Variants in DOCK7 observed in about 807,000 individuals in gnomAD.
DOCK7 encodes dedicator of cytokinesis 7.
Under a neutral mutation model 271.0 loss-of-function variants are expected in DOCK7, and 138 were observed. The ratio of observed to expected loss-of-function variants is 0.51; its 90% CI spans 0.44 to 0.59. The LOEUF (loss-of-function observed/expected upper bound fraction) is 0.59, where lower values mean the gene tolerates loss of function less well. Ranked by LOEUF, DOCK7 falls within the 20% of genes least tolerant of loss-of-function variation. The pLI is 0.00. For synonymous variants in DOCK7, 823 were observed against 876.1 expected, an observed-to-expected ratio of 0.94 and a Z score of 1.07; for missense variants, 2,066 against 2,592.4, an observed-to-expected ratio of 0.80 and a Z score of 4.41.
intron 21 of DOCK7, among the ~76,000 whole-genome samples, chr1:62,553,883 T>G (rs544675870): frequency 2.0e-5 from 3 of 151,306 alleles, no homozygotes; most frequent in Non-Finnish European, 3.0e-5. Flanking sequence ...ACGCAGCCCT[T>G]TCACTTCGGT....
intron 31 of DOCK7, among the ~76,000 whole-genome samples, chr1:62,516,352 C>T (rs754353117): frequency 1.3e-4 from 20 of 152,090 alleles, no homozygotes; most frequent in East Asian, 3.8e-4. Context: ...ACCAGGGTTC[C>T]GTGGCATAAT....
chr1:62,563,319 A>G (rs969499263), intron 18 of DOCK7, among the ~76,000 whole-genome samples: 23 of 152,312 alleles, frequency 1.5e-4, no homozygotes, highest in African/African-American at 5.3e-4. Flanking sequence ...TGGTAACTAT[A>G]ATGTCCTGGA....
intron 14 of DOCK7, among the ~76,000 whole-genome samples, chr1:62,609,957 T>G (rs1272946475): frequency 6.6e-6 from 1 of 152,136 alleles, no homozygotes; most frequent in Non-Finnish European, 1.5e-5. Flanking sequence ...TTCAAGTGAT[T>G]CTCCTGCCTC....
chr1:62,646,433 A>G (rs1656675199), intron 7 of DOCK7, among the ~76,000 whole-genome samples: 1 of 152,124 alleles, frequency 6.6e-6, no homozygotes, highest in South Asian at 2.1e-4. Context: ...CTAACCCCCA[A>G]TGTGACTGTA....
intron 14 of DOCK7, chr1:62,598,074 T>TA (rs1284420038): frequency 6.4e-7 from 1 of 1,572,700 alleles, no homozygotes; most frequent in African/African-American, 1.4e-5. Context: ...AAGTAGAAAA[T>TA]AAAGAGGGTT....
At chr1:62,466,294 G>C (rs1352865955) in intron 48 of DOCK7, among the ~76,000 whole-genome samples, 1 of 152,074 alleles carries the variant, frequency 6.6e-6, no homozygotes, top group Non-Finnish European at 1.5e-5. Flanking sequence ...TACTAAAAAA[G>C]AGAAGTGAGC....
intron 1 of DOCK7, among the ~76,000 whole-genome samples, chr1:62,675,221 C>T (rs1306374486): frequency 6.6e-6 from 1 of 151,900 alleles, no homozygotes; most frequent in Non-Finnish European, 1.5e-5. Context: ...TCAAGACCAG[C>T]CTGGGCAACA....
At chr1:62,498,481 C>T (rs534348876) in intron 37 of DOCK7, among the ~76,000 whole-genome samples, 4 of 152,180 alleles carry the variant, frequency 2.6e-5, no homozygotes, top group Admixed American at 2.6e-4. Context: ...ATTAACAACA[C>T]CAAGTACTTA....
At chr1:62,547,092 C>G (rs1645735723) in intron 22 of DOCK7, among the ~76,000 whole-genome samples, 1 of 152,050 alleles carries the variant, frequency 6.6e-6, no homozygotes, top group South Asian at 2.1e-4. Flanking sequence ...TCCTTTAAAA[C>G]TACAATATAT....
At chr1:62,492,517 G>T in intron 41 of DOCK7, 187 bp downstream of exon 41, 1 of 606,928 alleles carries the variant, frequency 1.6e-6, no homozygotes, top group Non-Finnish European at 2.8e-6. Flanking sequence ...TGAACTCCTG[G>T]ATTCAAGCAA....
intron 21 of DOCK7, 147 bp downstream of exon 21, chr1:62,555,678 C>T (rs935487792): frequency 7.5e-6 from 6 of 797,350 alleles, no homozygotes; most frequent in Non-Finnish European, 9.3e-6. Flanking sequence ...ACTTCAGCAC[C>T]TAGCACAGTG....
chr1:62,685,958 T>C (rs1400199998), intron 1 of DOCK7, among the ~76,000 whole-genome samples: 1 of 152,250 alleles, frequency 6.6e-6, no homozygotes. Context: ...TATTTGCATT[T>C]TGTGTTGTTT....
intron 18 of DOCK7, among the ~76,000 whole-genome samples, chr1:62,574,962 C>G (rs952740855): frequency 6.6e-6 from 1 of 151,998 alleles, no homozygotes; most frequent in African/African-American, 2.4e-5. Flanking sequence ...AACTGCTGAC[C>G]TCAGGTGATC....
At chr1:62,492,476 C>T (rs997366175) in intron 41 of DOCK7, 14 of 427,810 alleles carry the variant, frequency 3.3e-5, no homozygotes, top group East Asian at 5.1e-5. Context: ...TTTGTAGAGA[C>T]GGTATCTCAC....
intron 43 of DOCK7, chr1:62,482,075 G>A (rs1423302722): frequency 1.3e-5 from 2 of 152,114 alleles, no homozygotes; most frequent in Non-Finnish European, 2.9e-5. Flanking sequence ...ATTAACTAGT[G>A]TTAAGATTTC....
chr1:62,595,126 A>T (rs899089193), intron 14 of DOCK7, among the ~76,000 whole-genome samples: 10 of 152,210 alleles, frequency 6.6e-5, no homozygotes, highest in Non-Finnish European at 1.5e-4. Context: ...TACACAACCT[A>T]ATCAAAAGAT....
chr1:62,645,398 G>T (rs993013), intron 7 of DOCK7, among the ~76,000 whole-genome samples: 88,129 of 151,286 alleles, frequency 0.58, 27,339 homozygotes, highest in East Asian at 0.76. Flanking sequence ...AAAAACACTA[G>T]GAAAACTAAG....
At chr1:62,606,039 T>A (rs552285004) in intron 14 of DOCK7, 4 of 152,190 alleles carry the variant, frequency 2.6e-5, no homozygotes, top group Admixed American at 2.0e-4. Flanking sequence ...TTATCCAATA[T>A]ACATGTCATA....
chr1:62,561,768 A>G, intron 18 of DOCK7, 65 bp from the exon 19 acceptor site: 1 of 954,420 alleles, frequency 1.0e-6, no homozygotes, highest in Non-Finnish European at 1.5e-6. Context: ...AAAATAAACA[A>G]AAATTACAAT....
Sources: gnomAD v4.1 joint callset for allele counts (sites outside exome capture counted in the v4.1 genomes callset) on GRCh38, gnomAD v4.1.1 for gene constraint, MANE v1.5 for transcripts, NCBI Gene and HGNC (gene_info 2026-07-23, HGNC 2026-07-21) for gene names.